Variants in PPM1K observed in about 807,000 individuals in gnomAD.
The protein encoded by PPM1K is protein phosphatase, Mg2+/Mn2+ dependent 1K.
In PPM1K, 19 loss-of-function variants were observed where a neutral mutation model predicts 32.6. The ratio of observed to expected loss-of-function variants is 0.58; its 90% CI spans 0.41 to 0.86. The LOEUF is 0.86. Ranked by LOEUF, PPM1K falls within the 40% of genes least tolerant of loss-of-function variation. The pLI is 0.00. For missense variants in PPM1K, 362 were observed against 461.2 expected (o/e 0.78, Z 1.97); for synonymous variants, 159 against 165.3 (o/e 0.96, Z 0.29).
intron 1 of PPM1K, among the ~76,000 whole-genome samples, chr4:88,281,263 A>G (rs1560494998): frequency 6.6e-6 from 1 of 152,254 alleles, no homozygotes; most frequent in Non-Finnish European, 1.5e-5. Context: ...GCAGTCATGC[A>G]CCTACTTTAA....
rs1731045319 is a variant in PPM1K, at chr4:88,259,576, C to CT, written c.*3018_*3019insA. 1 of 151,414 alleles carries CT rather than the reference C, an allele frequency of 6.6e-6. No individual in the cohort carries two copies. Among genetic ancestry groups the CT allele is most frequent in the East Asian group, 2.0e-4 (1 of 5,112 alleles). The allele number at this position is 151,414 out of a possible 1,614,324, so 9.4% of individuals were successfully genotyped here. On this transcript the variant is annotated 3_prime_UTR_variant, in exon 7 of 7. Transcript: ENST00000608933. Reference sequence around the variant, plus strand: ...TTATAACTGAAAAACTAGAGCAGTCCCTTTTTTTTTACTATGATTTGCATA... The same window carrying CT: ...TTATAACTGAAAAACTAGAGCAGTCCTCTTTTTTTTTACTATGATTTGCATA...
chr4:88,263,507 C>T lies in PPM1K; in HGVS notation c.988-781G>A, dbSNP rs547444132. Among the ~76,000 whole-genome samples the T allele has an allele frequency of 3.9e-5, 6 of 152,274 alleles. No individual in the cohort carries two copies. The East Asian group carries it at 9.6e-4, about 24-fold the overall frequency. On this transcript the variant is annotated intron_variant, in intron 6 of 6. Coordinates refer to ENST00000608933, the MANE Select transcript of PPM1K (RefSeq NM_152542.5). ...AGGCTGGAGTGCAGTGGCACGATCTCGGCTCACTGCAGCCTTGACCTCCCA... is the reference window on the plus strand; with the variant it reads ...AGGCTGGAGTGCAGTGGCACGATCTTGGCTCACTGCAGCCTTGACCTCCCA...
intron 2 of PPM1K, chr4:88,277,464 C>G (rs1702311500): frequency 2.1e-6 from 1 of 469,240 alleles, no homozygotes; most frequent in Admixed American, 3.5e-5. Flanking sequence ...AAGTCCTTGT[C>G]CTTGAAGAAT....
intron 3 of PPM1K, among the ~76,000 whole-genome samples, chr4:88,269,651 A>G (rs1731477865): frequency 6.6e-6 from 1 of 152,200 alleles, no homozygotes; most frequent in Admixed American, 6.5e-5. Context: ...AACTTGGTGT[A>G]GTTAACACTC....
chr4:88,280,944 T>C (rs1467632951), intron 1 of PPM1K, among the ~76,000 whole-genome samples: 1 of 151,964 alleles, frequency 6.6e-6, no homozygotes, highest in Non-Finnish European at 1.5e-5. Context: ...TAGATTTTAT[T>C]CAGCAACAAT....
chr4:88,275,415 T>G, intron 3 of PPM1K: 2 of 984,116 alleles, frequency 2.0e-6, no homozygotes, highest in Non-Finnish European at 2.4e-6. Flanking sequence ...AATTAAATTC[T>G]TTAAGTTCAA....
Position 88,278,482 on chromosome 4 carries a change from C to CA in PPM1K, c.101dup (p.Thr35AspfsTer12). 6.2e-7 allele frequency: 1 copy of CA among 1,614,180 alleles called. No homozygotes were observed. Among genetic ancestry groups the CA allele is most frequent in the Admixed American group, 1.7e-5 (1 of 60,022 alleles). ...AAGTGGAGCTGTGGCACGTGGGTGT[C>CA]ACCCGCCTGTCGTCCTGCAGCAGGC... On this transcript the variant is annotated frameshift_variant, in exon 2 of 7. Coordinates refer to ENST00000608933, the MANE Select transcript of PPM1K (RefSeq NM_152542.5). LOFTEE classifies it high-confidence loss of function. The surrounding 1 kb of genome is among the most constrained non-coding windows in gnomAD (Gnocchi z 4.2).
At chr4:88,277,971 T>C (rs946873009) in intron 2 of PPM1K, 173 bp downstream of exon 2, 5 of 623,450 alleles carry the variant, frequency 8.0e-6, no homozygotes, top group African/African-American at 7.4e-5. Context: ...ATTTCTGAAA[T>C]TGTGATAACC....
chr4:88,281,701 A>G (rs1732015699), intron 1 of PPM1K, among the ~76,000 whole-genome samples: 1 of 152,216 alleles, frequency 6.6e-6, no homozygotes, highest in African/African-American at 2.4e-5. Flanking sequence ...AACTGGCTCC[A>G]TGTCCTTTTC....
intron 4 of PPM1K, 78 bp downstream of exon 4, chr4:88,268,663 T>G (rs1010865851): frequency 1.4e-5 from 19 of 1,382,406 alleles, no homozygotes; most frequent in Non-Finnish European, 1.8e-5. Context: ...AACTTAACCA[T>G]GACATCAGTT....
Position 88,277,256 on chromosome 4 carries a change from GA to G in PPM1K, c.441-14del, listed in dbSNP as rs756424793. The G allele has an allele frequency of 8.4e-6, 13 of 1,546,060 alleles. No homozygotes were observed. The highest frequency in any genetic ancestry group is 3.4e-5 in the Admixed American group (2 of 58,414). On this transcript the variant is annotated splice_polypyrimidine_tract_variant and intron_variant, in intron 2 of 6. Transcript: ENST00000608933. ...AGGAAGCAAATCCCTTTGTGGGGAG[GA>G]AAAAAAGAGCCTTAAACAATCATTT...
chr4:88,268,216 C>T lies in PPM1K; in HGVS notation c.826G>A (p.Ala276Thr), dbSNP rs898304410. The change falls in exon 5 of 7, where the codon GCA becomes ACA. Residue 276 changes from alanine (A) to threonine (T), a missense_variant. Coordinates refer to ENST00000608933, the MANE Select transcript of PPM1K (RefSeq NM_152542.5). Reference protein sequence around the residue: ...DLDLKTSGVIAEPETKRIKLH... With the variant: ...DLDLKTSGVITEPETKRIKLH... ...TTAATCCTCTTAGTTTCAGGTTCTG[C>T]TATGACACCACTGGTCTTAAGGTCC... The T allele has an allele frequency of 6.2e-7, 1 of 1,614,016 alleles. No homozygotes were observed. Among genetic ancestry groups the T allele is most frequent in the Non-Finnish European group, 8.5e-7 (1 of 1,180,010 alleles).
chr4:88,268,793 G>GT lies in PPM1K; in HGVS notation c.654dup (p.Pro219ThrfsTer7). The GT allele has an allele frequency of 6.2e-7, 1 of 1,613,922 alleles. No individual in the cohort carries two copies. Among genetic ancestry groups the GT allele is most frequent in the Non-Finnish European group, 8.5e-7 (1 of 1,179,914 alleles). The stretch of plus-strand genomic sequence containing the variant: ...GTATGGTCAATGGTCAGCTTCATGG[G>GT]TTTTCCTTTTCTACACAAAATAGCC... On this transcript the variant is annotated frameshift_variant, in exon 4 of 7. Coordinates refer to ENST00000608933, the MANE Select transcript of PPM1K (RefSeq NM_152542.5). LOFTEE classifies it high-confidence loss of function.
In PPM1K at chr4:88,278,624, T is replaced by C; in HGVS notation, c.-41A>G. 1 of 1,498,842 alleles carries C rather than the reference T, an allele frequency of 6.7e-7. No homozygotes were observed. The highest frequency in any genetic ancestry group is 9.1e-7 in the Non-Finnish European group (1 of 1,103,358). The allele number at this position is 1,498,842 out of a possible 1,614,324, so 92.8% of individuals were successfully genotyped here. Reference sequence around the variant, plus strand: ...GACTCAGTGATGAGGGAAAGGTCAATGGAACAATAATGGAATGTCTTCAAG... The same window carrying C: ...GACTCAGTGATGAGGGAAAGGTCAACGGAACAATAATGGAATGTCTTCAAG... On this transcript the variant is annotated 5_prime_UTR_variant, in exon 2 of 7. Coordinates refer to ENST00000608933, the MANE Select transcript of PPM1K (RefSeq NM_152542.5). The surrounding 1 kb of genome is among the most constrained non-coding windows in gnomAD (Gnocchi z 4.2).
Position 88,276,726 on chromosome 4 carries a change from G to A in PPM1K, c.541+417C>T, listed in dbSNP as rs550377637. ...TTCTTGTTGGACAATGACTGTCCTC[G>A]CTAGATGTGATTACCCTGTAGTGTA... On this transcript the variant is annotated intron_variant, in intron 3 of 6. Coordinates refer to ENST00000608933, the MANE Select transcript of PPM1K (RefSeq NM_152542.5). The A allele has an allele frequency of 5.4e-3, 5,356 of 986,554 alleles. 18 individuals carry two copies. The highest frequency in any genetic ancestry group is 5.8e-3 in the Non-Finnish European group (4,841 of 831,148). The allele number at this position is 986,554 out of a possible 1,614,324, so 61.1% of individuals were successfully genotyped here.
At chr4:88,270,187 T>G (rs1731502798) in intron 3 of PPM1K, among the ~76,000 whole-genome samples, 1 of 152,198 alleles carries the variant, frequency 6.6e-6, no homozygotes. Context: ...ACTTCATCAG[T>G]AATGCATTGG....
chr4:88,277,378 C>T (rs1184296942), intron 2 of PPM1K, 135 bp from the exon 3 acceptor site: 4 of 628,434 alleles, frequency 6.4e-6, no homozygotes, highest in Non-Finnish European at 1.1e-5. Context: ...GACCTACTGG[C>T]TAAGGAATAC....
chr4:88,282,598 T>A (rs547335790), intron 1 of PPM1K, among the ~76,000 whole-genome samples: 8 of 152,298 alleles, frequency 5.3e-5, no homozygotes, highest in African/African-American at 1.9e-4. Flanking sequence ...ATACCTTCTT[T>A]CTCAATACCC....
chr4:88,271,422 T>C (rs1018845627), intron 3 of PPM1K, among the ~76,000 whole-genome samples: 2 of 152,204 alleles, frequency 1.3e-5, no homozygotes, highest in African/African-American at 4.8e-5. Context: ...GTTGAGCCTA[T>C]TTTTTCATCA....
Sources: gnomAD v4.1 joint callset for allele counts (sites outside exome capture counted in the v4.1 genomes callset) on GRCh38, gnomAD v4.1.1 for gene constraint, Gnocchi (gnomAD v3.1) non-coding constraint, MANE v1.5 for transcripts, NCBI Gene and HGNC (gene_info 2026-07-23, HGNC 2026-07-21) for gene names.